PCDHA13: variants seen among roughly 807,000 people sequenced by gnomAD.
The protein encoded by PCDHA13 is protocadherin alpha-13.
Under a neutral mutation model 64.8 loss-of-function variants are expected in PCDHA13, and 54 were observed. That is an observed-to-expected ratio of 0.83 (90% CI 0.67 to 1.04). The LOEUF (loss-of-function observed/expected upper bound fraction) is 1.04. Ranked by LOEUF, PCDHA13 falls within the 50% of genes least tolerant of loss-of-function variation. The pLI is 0.00. For synonymous variants in PCDHA13, 587 were observed against 564.4 expected, an observed-to-expected ratio of 1.04 and a Z score of -0.57; for missense variants, 1,248 against 1,254.3, an observed-to-expected ratio of 0.99 and a Z score of 0.08.
chr5:140,900,907 T>C (rs1156878452), intron 1 of PCDHA13, among the ~76,000 whole-genome samples: 1 of 152,190 alleles, frequency 6.6e-6, no homozygotes, highest in African/African-American at 2.4e-5. Context: ...ATTTTAACTG[T>C]GGTAAGATGA....
At chr5:140,998,906 AG>A (rs1267220398) in intron 3 of PCDHA13, among the ~76,000 whole-genome samples, 10 of 152,208 alleles carry the variant, frequency 6.6e-5, no homozygotes, top group Non-Finnish European at 1.5e-5. Context: ...TGCCTCCGGG[AG>A]GTAGCTATTA....
intron 3 of PCDHA13, among the ~76,000 whole-genome samples, chr5:140,985,001 G>A (rs1554246727): frequency 1.3e-5 from 2 of 151,944 alleles, no homozygotes; most frequent in South Asian, 2.1e-4. Flanking sequence ...CCAGTGGCAC[G>A]ATATCGGCTC....
intron 3 of PCDHA13, among the ~76,000 whole-genome samples, chr5:141,000,387 C>A (rs868946328): frequency 8.2e-4 from 55 of 66,860 alleles, no homozygotes; most frequent in African/African-American, 2.7e-3. Context: ...CTCTCTCTCT[C>A]TCTCTCTCTA....
chr5:140,952,266 G>T (rs2094712993), intron 1 of PCDHA13, among the ~76,000 whole-genome samples: 1 of 151,598 alleles, frequency 6.6e-6, no homozygotes, highest in South Asian at 2.1e-4. Context: ...CCATTCTGGG[G>T]TCTTGAGGGT....
At chr5:140,949,721 A>G (rs1466646683) in intron 1 of PCDHA13, among the ~76,000 whole-genome samples, 1 of 151,690 alleles carries the variant, frequency 6.6e-6, no homozygotes, top group East Asian at 1.9e-4. Context: ...CATTTTGATA[A>G]TATCTGCTTT....
At chr5:140,951,597 C>T (rs1445745403) in intron 1 of PCDHA13, among the ~76,000 whole-genome samples, 1 of 152,098 alleles carries the variant, frequency 6.6e-6, no homozygotes, top group East Asian at 1.9e-4. Flanking sequence ...ATCTCTCTCA[C>T]TGTTATGAGA....
chr5:141,006,002 G>T (rs185630910), intron 3 of PCDHA13, among the ~76,000 whole-genome samples: 1 of 151,740 alleles, frequency 6.6e-6, no homozygotes, highest in East Asian at 1.9e-4. Context: ...CTGAAAGAAG[G>T]CCTGTATGGT....
rs149166530 is a variant in PCDHA13, at chr5:140,990,443, A to G, written c.2542+7880A>G. Among the ~76,000 whole-genome samples the G allele has an allele frequency of 8.3e-4, 127 of 152,344 alleles. 2 individuals carry two copies. The East Asian group carries it at 0.024, about 29-fold the overall frequency. On this transcript the variant is annotated intron_variant, in intron 3 of 3. Transcript: ENST00000289272. ...CCAGCATTGACCCAATCTTGTGTCC[A>G]GAGCTGTTGCTGTAGGTGGTATCAT...
At chr5:140,908,041 G>T (rs2073758972) in intron 1 of PCDHA13, among the ~76,000 whole-genome samples, 1 of 152,112 alleles carries the variant, frequency 6.6e-6, no homozygotes, top group Non-Finnish European at 1.5e-5. Context: ...GTATATAATT[G>T]CACATCCGGC....
At chr5:140,999,244 G>A (rs1554256717) in intron 3 of PCDHA13, among the ~76,000 whole-genome samples, 1 of 152,210 alleles carries the variant, frequency 6.6e-6, no homozygotes, top group African/African-American at 2.4e-5. Flanking sequence ...GTTAAAGTGG[G>A]AGTTGGATTA....
Position 140,938,882 on chromosome 5 carries a change from C to T in PCDHA13, c.2395-40067C>T, listed in dbSNP as rs529115064. On this transcript the variant is annotated intron_variant, in intron 1 of 3. Transcript: ENST00000289272. ...AACTTAAAAGTTAAGAAGCAACACA[C>T]ACACACACAGATGCGCACACACACA... is the stretch of plus-strand genomic sequence containing the variant. Among the ~76,000 whole-genome samples the T allele has an allele frequency of 3.3e-5, 5 of 152,218 alleles. No individual in the cohort carries two copies. The South Asian group carries it at 1.0e-3, about 32-fold the overall frequency.
intron 1 of PCDHA13, among the ~76,000 whole-genome samples, chr5:140,890,258 A>G (rs2062565845): frequency 6.6e-6 from 1 of 152,030 alleles, no homozygotes; most frequent in East Asian, 1.9e-4. Flanking sequence ...ACTGCACCTG[A>G]TTGCAAGCAA....
At chr5:140,926,819 C>G in intron 1 of PCDHA13, 1 of 1,493,950 alleles carries the variant, frequency 6.7e-7, no homozygotes, top group Non-Finnish European at 8.9e-7. Context: ...CTCGTGCTCT[C>G]CAGGAGTCCG....
intron 1 of PCDHA13, among the ~76,000 whole-genome samples, chr5:140,911,635 G>A (rs906127782): frequency 2.0e-5 from 3 of 152,148 alleles, no homozygotes; most frequent in African/African-American, 7.2e-5. Flanking sequence ...ATGGTCAAAG[G>A]TATTACATAT....
chr5:140,897,548 A>G (rs1417180451), intron 1 of PCDHA13, among the ~76,000 whole-genome samples: 6 of 152,098 alleles, frequency 3.9e-5, no homozygotes, highest in Admixed American at 2.6e-4. Context: ...ATAGTCTTCC[A>G]TGGTGTATAT....
At chr5:140,928,277 C>A (rs2085098556) in intron 1 of PCDHA13, 2 of 1,614,156 alleles carry the variant, frequency 1.2e-6, no homozygotes, top group South Asian at 2.2e-5. Context: ...GGCCCTGGGG[C>A]CTCTCTAGGC....
chr5:140,976,354 C>A (rs1331334402), intron 1 of PCDHA13, among the ~76,000 whole-genome samples: 2 of 151,960 alleles, frequency 1.3e-5, no homozygotes, highest in Non-Finnish European at 2.9e-5. Context: ...TGTTCAAGAC[C>A]AGCCTGGCCA....
intron 1 of PCDHA13, among the ~76,000 whole-genome samples, chr5:140,936,248 G>A (rs2090860399): frequency 6.6e-6 from 1 of 152,086 alleles, no homozygotes; most frequent in Admixed American, 6.5e-5. Context: ...AACATATCCT[G>A]CTTCAAGTCA....
chr5:140,943,751 T>C (rs947548745), intron 1 of PCDHA13, among the ~76,000 whole-genome samples: 1 of 152,048 alleles, frequency 6.6e-6, no homozygotes, highest in South Asian at 2.1e-4. Flanking sequence ...CTAAAAGCAG[T>C]AGGAGATGTA....
Sources: allele counts gnomAD v4.1 joint callset (sites outside exome capture counted in the v4.1 genomes callset), GRCh38; gene constraint gnomAD v4.1.1; transcripts MANE v1.5; gene names NCBI Gene and HGNC (gene_info 2026-07-23, HGNC 2026-07-21).